DLC1: variants seen among roughly 807,000 people sequenced by gnomAD.
The protein encoded by DLC1 is DLC1 Rho GTPase activating protein, also known as rho GTPase-activating protein 7.
DLC1 carries 54 observed loss-of-function variants against 140.3 expected under a neutral mutation model. That is an observed-to-expected ratio of 0.38 (90% CI 0.31 to 0.48). The LOEUF (loss-of-function observed/expected upper bound fraction) is 0.48, where lower values mean the gene tolerates loss of function less well. Ranked by LOEUF, DLC1 falls within the 20% of genes least tolerant of loss-of-function variation. DLC1 has a pLI of 0.96. For missense variants in DLC1, 2,536 were observed against 1,907.0 expected (o/e 1.33, Z -6.14); for synonymous variants, 986 against 728.1 (o/e 1.35, Z -5.70).
At chr8:13,316,966 GA>G (rs1180904869) in intron 4 of DLC1, among the ~76,000 whole-genome samples, 1 of 151,780 alleles carries the variant, frequency 6.6e-6, no homozygotes, top group Non-Finnish European at 1.5e-5. Context: ...AATGAGCATT[GA>G]AATTTCCTTT....
intron 15 of DLC1, among the ~76,000 whole-genome samples, chr8:13,089,367 C>T (rs1189426399): frequency 6.6e-6 from 1 of 151,922 alleles, no homozygotes; most frequent in Non-Finnish European, 1.5e-5. Flanking sequence ...GTGGCTCACG[C>T]CTATAATCCC....
At chr8:13,090,955 C>G (rs1477298259) in intron 14 of DLC1, among the ~76,000 whole-genome samples, 1 of 151,930 alleles carries the variant, frequency 6.6e-6, no homozygotes, top group Non-Finnish European at 1.5e-5. Context: ...CAGGTGTGCA[C>G]CACCACACCC....
At chr8:13,592,421 T>C (rs945361978) in intron 1 of DLC1, among the ~76,000 whole-genome samples, 7 of 152,142 alleles carry the variant, frequency 4.6e-5, no homozygotes, top group Non-Finnish European at 8.8e-5. Flanking sequence ...TCCCATTTTT[T>C]GTAGCAAACA....
chr8:13,144,676 A>T (rs1454411858), intron 5 of DLC1, among the ~76,000 whole-genome samples: 1 of 152,186 alleles, frequency 6.6e-6, no homozygotes, highest in Non-Finnish European at 1.5e-5. Flanking sequence ...GAGGCAGGAG[A>T]ATGGTGTGAA....
intron 10 of DLC1, among the ~76,000 whole-genome samples, chr8:13,098,034 GAAAAAAAAAA>G (rs35785512): frequency 4.4e-5 from 3 of 68,418 alleles, no homozygotes; most frequent in African/African-American, 1.2e-4. Flanking sequence ...AAGGAAAAAA[GAAAAAAAAAA>G]AAAAAAAAAA....
chr8:13,198,629 C>T (rs970755677), intron 5 of DLC1, among the ~76,000 whole-genome samples: 2 of 151,820 alleles, frequency 1.3e-5, no homozygotes, highest in African/African-American at 4.8e-5. Context: ...GAAAATGTTG[C>T]TTATTTCTTT....
chr8:13,331,385 C>T (rs1248996471), intron 4 of DLC1, among the ~76,000 whole-genome samples: 2 of 152,014 alleles, frequency 1.3e-5, no homozygotes, highest in African/African-American at 4.8e-5. Context: ...AAGTTCTAAG[C>T]TGAATAGTAT....
intron 4 of DLC1, among the ~76,000 whole-genome samples, chr8:13,329,403 C>G (rs1833497515): frequency 6.6e-6 from 1 of 152,088 alleles, no homozygotes. Flanking sequence ...GGATATATCC[C>G]TGTTGTTGAT....
intron 5 of DLC1, among the ~76,000 whole-genome samples, chr8:13,190,801 T>G (rs1826707618): frequency 6.6e-6 from 1 of 151,668 alleles, no homozygotes; most frequent in Non-Finnish European, 1.5e-5. Flanking sequence ...AGGGTTAGAG[T>G]GATGCTGACC....
intron 5 of DLC1, among the ~76,000 whole-genome samples, chr8:13,295,026 G>A (rs1831894805): frequency 6.6e-6 from 1 of 152,180 alleles, no homozygotes; most frequent in Non-Finnish European, 1.5e-5. Context: ...TCTGTTAAGA[G>A]GCTGGCATTA....
intron 5 of DLC1, among the ~76,000 whole-genome samples, chr8:13,288,721 A>G (rs1031635942): frequency 2.4e-4 from 36 of 152,218 alleles, no homozygotes; most frequent in African/African-American, 8.4e-4. Context: ...GCCCCTATCA[A>G]CGTCACTAGT....
At position 13,100,381 on chromosome 8, in the gene DLC1, G is replaced by A. The variant is rs376764649; in HGVS notation, c.1956C>T (p.Ser652=). 2 of 1,614,042 alleles carry A rather than the reference G, an allele frequency of 1.2e-6. No individual in the cohort carries two copies. The highest frequency in any genetic ancestry group is 2.7e-5 in the African/African-American group (2 of 74,942). The change falls in exon 9 of 18, where the codon AGC becomes AGT. Residue 652 remains serine (S), a synonymous_variant. Coordinates refer to ENST00000276297, the MANE Select transcript of DLC1 (RefSeq NM_182643.3). The part of the protein sequence containing the change: ...SPKELSSFSF[S]MKGHEKTAKS... ...TGGCAGTTTTTTCGTGGCCTTTCATGCTGAAGCTGAAGCTGGACAGTTCCT... is the reference window on the plus strand; with the variant it reads ...TGGCAGTTTTTTCGTGGCCTTTCATACTGAAGCTGAAGCTGGACAGTTCCT...
chr8:13,242,789 A>T (rs891181271), intron 5 of DLC1, among the ~76,000 whole-genome samples: 1 of 152,168 alleles, frequency 6.6e-6, no homozygotes, highest in Non-Finnish European at 1.5e-5. Context: ...AGGAATTGAA[A>T]TCAACTATGA....
chr8:13,354,731 G>T (rs1834840325), intron 4 of DLC1, among the ~76,000 whole-genome samples: 1 of 150,318 alleles, frequency 6.7e-6, no homozygotes, highest in Non-Finnish European at 1.5e-5. Flanking sequence ...GATTGCTTGA[G>T]CACAGGAGTT....
chr8:13,144,347 C>G (rs1410626354), intron 5 of DLC1, among the ~76,000 whole-genome samples: 1 of 152,176 alleles, frequency 6.6e-6, no homozygotes, highest in Non-Finnish European at 1.5e-5. Context: ...CTGTCAGATT[C>G]CTTGGTTCTG....
chr8:13,448,597 A>G (rs1563355623), intron 2 of DLC1, among the ~76,000 whole-genome samples: 1 of 152,136 alleles, frequency 6.6e-6, no homozygotes, highest in African/African-American at 2.4e-5. Flanking sequence ...TCCTGACCTC[A>G]GGTGATCCAC....
chr8:13,171,309 G>A (rs1033706605), intron 5 of DLC1, among the ~76,000 whole-genome samples: 4 of 152,054 alleles, frequency 2.6e-5, no homozygotes, highest in Non-Finnish European at 5.9e-5. Context: ...CAACTCATAT[G>A]ATTAAAAAAA....
chr8:13,476,940 C>T (rs1049374061), intron 2 of DLC1, among the ~76,000 whole-genome samples: 3 of 152,080 alleles, frequency 2.0e-5, no homozygotes, highest in African/African-American at 4.8e-5. Context: ...GAATTTTTTT[C>T]TCTTTTTCTG....
chr8:13,120,368 T>TATATATATATATATAC (rs1820955801), intron 5 of DLC1, among the ~76,000 whole-genome samples: 1 of 114,790 alleles, frequency 8.7e-6, no homozygotes, highest in Admixed American at 8.9e-5. Context: ...TATATATATA[T>TATATATATATATATAC]ATAAAATGTA....
Sources: allele counts gnomAD v4.1 joint callset (sites outside exome capture counted in the v4.1 genomes callset), GRCh38; gene constraint gnomAD v4.1.1; transcripts MANE v1.5; gene names NCBI Gene and HGNC (gene_info 2026-07-23, HGNC 2026-07-21).